INO80E: variants seen among roughly 807,000 people sequenced by gnomAD.
INO80E encodes the protein coiled-coil domain containing 95.
Under a neutral mutation model 27.3 loss-of-function variants are expected in INO80E, and 20 were observed. The ratio of observed to expected loss-of-function variants is 0.73; its 90% confidence interval spans 0.51 to 1.06. INO80E has a LOEUF of 1.06. Ranked by LOEUF, INO80E falls within the 50% of genes least tolerant of loss-of-function variation. The pLI is 0.00. For missense variants in INO80E, 357 were observed against 322.8 expected (o/e 1.11, Z -0.81); for synonymous variants, 167 against 145.9 (o/e 1.14, Z -1.04).
chr16:30,005,130 C>G, intron 6 of INO80E, 91 bp from the exon 7 acceptor site: 1 of 1,371,900 alleles, frequency 7.3e-7, no homozygotes, highest in South Asian at 1.7e-5. Context: ...TCTTCCCCCT[C>G]CCCAGAGCTG....
intron 6 of INO80E, chr16:30,001,804 CA>C (rs1237986424): frequency 2.3e-6 from 1 of 438,730 alleles, no homozygotes; most frequent in Non-Finnish European, 4.1e-6. Flanking sequence ...CTCATTTTCC[CA>C]GGGGGGCGTG....
chr16:29,998,731 C>T (rs890801838), intron 3 of INO80E, among the ~76,000 whole-genome samples: 6 of 152,174 alleles, frequency 3.9e-5, no homozygotes, highest in African/African-American at 1.2e-4. Context: ...CGTAGAATCA[C>T]CTCTCTCCGT....
chr16:29,999,044 C>CAA lies in INO80E; in HGVS notation c.206-1701_206-1700dup, dbSNP rs539871845. On this transcript the variant is annotated intron_variant, in intron 3 of 6. Transcript: ENST00000563197. Reference sequence around the variant, plus strand: ...TGGGCAACAGAGCAAGACTCCGTCTCAAAAAAAAAAAAAAGCACATTGGTC... The same window carrying CAA: ...TGGGCAACAGAGCAAGACTCCGTCTCAAAAAAAAAAAAAAAAGCACATTGGTC... Among the ~76,000 whole-genome samples the CAA allele has an allele frequency of 3.2e-5, 4 of 123,546 alleles. No homozygotes were observed. In the Admixed American group the frequency reaches 3.3e-4, roughly 10 times the overall value. The allele number at this position is 123,546 out of a possible 152,430, so 81.1% of individuals were successfully genotyped here.
chr16:29,998,913 C>T lies in INO80E; in HGVS notation c.206-1845C>T, dbSNP rs1008075769. Reference sequence around the variant, plus strand: ...ACATAAAATTAGCTGGGTGTGGTGGCGGGCGCCTGTAGTCCCAGCTACTCA... The same window carrying T: ...ACATAAAATTAGCTGGGTGTGGTGGTGGGCGCCTGTAGTCCCAGCTACTCA... On this transcript the variant is annotated intron_variant, in intron 3 of 6. Transcript: ENST00000563197. 2.0e-5 allele frequency among the ~76,000 whole-genome samples: 3 copies of T among 151,984 alleles called. No individual in the cohort carries two copies. The South Asian group carries it at 6.2e-4, about 32-fold the overall frequency.
In INO80E at chr16:29,996,406, G is replaced by C. The variant is rs780113626; in HGVS notation, c.81+15G>C. On this transcript the variant is annotated intron_variant, in intron 1 of 6. Transcript: ENST00000563197. The stretch of plus-strand genomic sequence containing the variant: ...TCCTCATCTACGTGAGTGCTGCCGC[G>C]GGAAGGCTGTGGGGGATGAGGCCTG... The C allele has an allele frequency of 6.3e-7, 1 of 1,579,366 alleles. No individual in the cohort carries two copies. Among genetic ancestry groups the C allele is most frequent in the Admixed American group, 1.8e-5 (1 of 54,688 alleles).
In INO80E at chr16:30,001,231, T is replaced by G. The variant is rs1437616363; in HGVS notation, c.397-183T>G. The stretch of plus-strand genomic sequence containing the variant: ...GTATAGGAACGGGGCCAGGCCTGAC[T>G]GAGGAGAGCAAAGCCCAGGACAGCA... On this transcript the variant is annotated intron_variant, in intron 5 of 6. Coordinates refer to ENST00000563197, the MANE Select transcript of INO80E (RefSeq NM_173618.3). The G allele has an allele frequency of 2.7e-6, 4 of 1,492,968 alleles. No homozygotes were observed. In the Admixed American group the frequency reaches 6.8e-5, roughly 25 times the overall value. The allele number at this position is 1,492,968 out of a possible 1,614,324, so 92.5% of individuals were successfully genotyped here.
At chr16:30,001,198 T>C (rs1025760949) in intron 5 of INO80E, 158 bp downstream of exon 5, 2 of 1,475,924 alleles carry the variant, frequency 1.4e-6, no homozygotes, top group Non-Finnish European at 1.8e-6. Context: ...GCTGCCCCCT[T>C]CTCTCTGGTA....
chr16:29,998,779 C>T (rs765343887), intron 3 of INO80E, among the ~76,000 whole-genome samples: 3 of 152,142 alleles, frequency 2.0e-5, no homozygotes, highest in African/African-American at 2.4e-5. Flanking sequence ...GGCACGGTGG[C>T]TCACGCTTGT....
At chr16:29,996,514 G>C (rs1403523281) in intron 1 of INO80E, 33 bp from the exon 2 acceptor site, 1 of 1,554,896 alleles carries the variant, frequency 6.4e-7, no homozygotes. Context: ...ACGGAGGACC[G>C]TTGGCCCAGC....
chr16:30,001,657 C>A, intron 6 of INO80E, 127 bp downstream of exon 6: 1 of 834,322 alleles, frequency 1.2e-6, no homozygotes, highest in Non-Finnish European at 1.9e-6. Flanking sequence ...CAGCACTTAG[C>A]ACTGAGGGGT....
intron 5 of INO80E, 129 bp downstream of exon 5, chr16:30,001,169 G>A (rs768203655): frequency 1.6e-5 from 24 of 1,472,794 alleles, no homozygotes; most frequent in African/African-American, 9.9e-5. Context: ...CAAGTGTCCC[G>A]TGGAGGGTGT....
At chr16:29,997,031 C>T (rs2070149476) in intron 3 of INO80E, among the ~76,000 whole-genome samples, 171 bp downstream of exon 3, 1 of 152,196 alleles carries the variant, frequency 6.6e-6, no homozygotes, top group South Asian at 2.1e-4. Context: ...TACTGAGCAC[C>T]TATTGTGTTT....
rs757356133 is a variant in INO80E at position 30,000,757 on chromosome 16, G to A, written c.206-1G>A. The A allele has an allele frequency of 6.2e-7, 1 of 1,613,910 alleles. No homozygotes were observed. Among genetic ancestry groups the A allele is most frequent in the Non-Finnish European group, 8.5e-7 (1 of 1,179,786 alleles). ...CCACTGACCAGCTGTCCCCATCACAGACTCAGATGCCACTGCATCATCAGA... is the reference window on the plus strand; with the variant it reads ...CCACTGACCAGCTGTCCCCATCACAAACTCAGATGCCACTGCATCATCAGA... On this transcript the variant is annotated splice_acceptor_variant, in intron 3 of 6. Coordinates refer to ENST00000563197, the MANE Select transcript of INO80E (RefSeq NM_173618.3). LOFTEE classifies it high-confidence loss of function.
At chr16:30,000,105 T>C (rs1397298327) in intron 3 of INO80E, among the ~76,000 whole-genome samples, 1 of 152,178 alleles carries the variant, frequency 6.6e-6, no homozygotes, top group East Asian at 1.9e-4. Flanking sequence ...CCTTACTTTC[T>C]GAGCCTCGGT....
At chr16:30,000,894 T>A in intron 4 of INO80E, 35 bp from the exon 5 acceptor site, 1 of 1,610,140 alleles carries the variant, frequency 6.2e-7, no homozygotes, top group Non-Finnish European at 8.5e-7. Context: ...CCTGGGCTCC[T>A]AGCCACATCT....
chr16:30,000,934 G>C lies in INO80E; in HGVS notation c.290G>C (p.Arg97Thr), dbSNP rs1224409563. The C allele has an allele frequency of 6.3e-7, 1 of 1,598,268 alleles. No individual in the cohort carries two copies. Among genetic ancestry groups the C allele is most frequent in the East Asian group, 2.2e-5 (1 of 44,572 alleles). The change falls in exon 5 of 7, where the codon AGA becomes ACA. Residue 97 changes from arginine (R) to threonine (T), a missense_variant. By Grantham distance (71) the Arg-to-Thr change is moderately conservative. Transcript: ENST00000563197. ...LSDTPAPKRK[R>T]SPPLGGAPSP... ...TCGCCCTGTCCTTTCTCCAGGAAGA[G>C]AAGCCCTCCGCTGGGGGGCGCCCCC...
At chr16:30,000,381 A>C (rs2070302382) in intron 3 of INO80E, among the ~76,000 whole-genome samples, 1 of 151,872 alleles carries the variant, frequency 6.6e-6, no homozygotes, top group African/African-American at 2.4e-5. Flanking sequence ...GGTTTGTTTC[A>C]TTTTTTTGAG....
rs762875806 is a variant in INO80E at position 29,996,343 on chromosome 16, C to CAA, written c.41_42dup (p.Tyr15AsnfsTer5). 1.3e-6 allele frequency: 2 copies of CAA among 1,586,352 alleles called. No individual in the cohort carries two copies. The highest frequency in any genetic ancestry group is 2.7e-5 in the African/African-American group (2 of 74,262). On this transcript the variant is annotated frameshift_variant, in exon 1 of 7. Coordinates refer to ENST00000563197, the MANE Select transcript of INO80E (RefSeq NM_173618.3). LOFTEE classifies it high-confidence loss of function. ...GGCCGGCGGACGGCGAAGTGGACTACAAAAAAAAATACCGGAATCTGAAGC... is the reference window on the plus strand; with the variant it reads ...GGCCGGCGGACGGCGAAGTGGACTACAAAAAAAAAAATACCGGAATCTGAAGC...
intron 3 of INO80E, among the ~76,000 whole-genome samples, chr16:29,999,787 G>A (rs964921442): frequency 6.6e-6 from 1 of 152,236 alleles, no homozygotes; most frequent in Non-Finnish European, 1.5e-5. Context: ...CAGGTAGTGG[G>A]TGATGTCATC....
Sources: gnomAD v4.1 joint callset for allele counts (sites outside exome capture counted in the v4.1 genomes callset) on GRCh38, gnomAD v4.1.1 for gene constraint, MANE v1.5 for transcripts, NCBI Gene and HGNC (gene_info 2026-07-23, HGNC 2026-07-21) for gene names.